Variants in EFNA5 observed in about 807,000 individuals in gnomAD.
The protein encoded by EFNA5 is ephrin A5.
Under a neutral mutation model 22.9 loss-of-function variants are expected in EFNA5, and 5 were observed. The ratio of observed to expected loss-of-function variants is 0.22; its 90% CI spans 0.11 to 0.46. The LOEUF (loss-of-function observed/expected upper bound fraction) is 0.46, where lower values mean the gene tolerates loss of function less well. Among genes scored for constraint, EFNA5 ranks in the 20% least tolerant of loss-of-function variants. EFNA5 has a pLI of 0.99. For synonymous variants in EFNA5, 113 were observed against 112.2 expected (o/e 1.01, Z -0.04); for missense variants, 237 against 293.3 (o/e 0.81, Z 1.40).
chr5:107,662,918 A>G (rs935840920), intron 1 of EFNA5, among the ~76,000 whole-genome samples: 7 of 152,090 alleles, frequency 4.6e-5, no homozygotes, highest in African/African-American at 1.4e-4. Flanking sequence ...AGTTAGCCAT[A>G]AAGTATAAGC....
chr5:107,638,219 C>A (rs1466065714), intron 1 of EFNA5, among the ~76,000 whole-genome samples: 1 of 152,066 alleles, frequency 6.6e-6, no homozygotes, highest in African/African-American at 2.4e-5. Context: ...CCTAAGGGTT[C>A]CTGCTTTCCA....
At chr5:107,397,381 T>A (rs1316696034) in intron 2 of EFNA5, among the ~76,000 whole-genome samples, 1 of 151,978 alleles carries the variant, frequency 6.6e-6, no homozygotes, top group African/African-American at 2.4e-5. Flanking sequence ...AAATCCCACC[T>A]CTACTAAAAA....
At chr5:107,642,701 G>A (rs1277520702) in intron 1 of EFNA5, among the ~76,000 whole-genome samples, 1 of 152,118 alleles carries the variant, frequency 6.6e-6, no homozygotes, top group Non-Finnish European at 1.5e-5. Context: ...GAGGAGAGAA[G>A]AAAAAGTAAA....
chr5:107,553,398 A>G (rs1748341069), intron 1 of EFNA5, among the ~76,000 whole-genome samples: 1 of 152,186 alleles, frequency 6.6e-6, no homozygotes, highest in Non-Finnish European at 1.5e-5. Flanking sequence ...CCGCCCCACC[A>G]TCCACTGCTT....
At chr5:107,537,103 C>T (rs1351882338) in intron 1 of EFNA5, among the ~76,000 whole-genome samples, 1 of 127,256 alleles carries the variant, frequency 7.9e-6, no homozygotes, top group Non-Finnish European at 1.6e-5. Flanking sequence ...GACTCCGCCT[C>T]AAAGAAAAAA....
At chr5:107,412,468 TA>T (rs2112403676) in intron 2 of EFNA5, among the ~76,000 whole-genome samples, 1 of 152,322 alleles carries the variant, frequency 6.6e-6, no homozygotes, top group South Asian at 2.1e-4. Context: ...TGATTAATAT[TA>T]ATTCTGATTC....
intron 1 of EFNA5, among the ~76,000 whole-genome samples, chr5:107,610,863 A>T (rs554771704): frequency 2.6e-5 from 4 of 152,262 alleles, no homozygotes; most frequent in African/African-American, 9.6e-5. Flanking sequence ...TAGAAGACTG[A>T]AAAGGTCATA....
At chr5:107,470,221 T>C (rs1346768355) in intron 1 of EFNA5, among the ~76,000 whole-genome samples, 3 of 152,158 alleles carry the variant, frequency 2.0e-5, no homozygotes, top group East Asian at 1.9e-4. Context: ...TCCCAAAAAA[T>C]GGCAACAGTG....
chr5:107,472,045 T>C (rs539347779), intron 1 of EFNA5, among the ~76,000 whole-genome samples: 5 of 152,318 alleles, frequency 3.3e-5, no homozygotes, highest in South Asian at 4.1e-4. Context: ...TGAAAAGCTA[T>C]AGATATTCAC....
At chr5:107,432,368 T>G (rs1748985925) in intron 1 of EFNA5, among the ~76,000 whole-genome samples, 1 of 152,244 alleles carries the variant, frequency 6.6e-6, no homozygotes, top group Non-Finnish European at 1.5e-5. Flanking sequence ...ACAAATGCCA[T>G]GGGTAACACA....
intron 1 of EFNA5, among the ~76,000 whole-genome samples, chr5:107,483,288 C>A (rs1750536991): frequency 6.6e-6 from 1 of 152,132 alleles, no homozygotes; most frequent in South Asian, 2.1e-4. Context: ...ACCAGATCCA[C>A]CCAGGCCCTA....
chr5:107,605,800 A>T (rs906468352), intron 1 of EFNA5, among the ~76,000 whole-genome samples: 1 of 152,184 alleles, frequency 6.6e-6, no homozygotes, highest in Non-Finnish European at 1.5e-5. Context: ...CTTCCCTTCA[A>T]TATTGTCCTC....
intron 1 of EFNA5, among the ~76,000 whole-genome samples, chr5:107,582,370 T>C (rs909314239): frequency 6.6e-6 from 1 of 152,218 alleles, no homozygotes; most frequent in Non-Finnish European, 1.5e-5. Flanking sequence ...GCTGAGATGA[T>C]GCTTTGTTCA....
intron 1 of EFNA5, among the ~76,000 whole-genome samples, chr5:107,527,212 T>A (rs1747712415): frequency 6.6e-6 from 1 of 152,174 alleles, no homozygotes; most frequent in South Asian, 2.1e-4. Flanking sequence ...GGGTATAATA[T>A]AATCATATAA....
rs1748379717 is a variant in EFNA5, at chr5:107,411,980, C to A, written c.418+15237G>T. ...ACTTTGCAAATGGATGGGGTATTAT[C>A]AAATGTTCATAATTATTACAGGGAT... On this transcript the variant is annotated intron_variant, in intron 2 of 4. Coordinates refer to ENST00000333274, the MANE Select transcript of EFNA5 (RefSeq NM_001962.3). Among the ~76,000 whole-genome samples the A allele has an allele frequency of 2.0e-5, 3 of 152,050 alleles. No homozygotes were observed. The South Asian group carries it at 6.2e-4, about 32-fold the overall frequency.
At chr5:107,557,099 A>C (rs1278999017) in intron 1 of EFNA5, among the ~76,000 whole-genome samples, 2 of 152,080 alleles carry the variant, frequency 1.3e-5, no homozygotes, top group Non-Finnish European at 2.9e-5. Flanking sequence ...AAAACCACCT[A>C]CATCTCCCTC....
intron 1 of EFNA5, among the ~76,000 whole-genome samples, chr5:107,513,261 G>GGAGAGA (rs145077941): frequency 2.0e-4 from 30 of 150,880 alleles, no homozygotes; most frequent in African/African-American, 6.6e-4. Flanking sequence ...AGAGGGAGAG[G>GGAGAGA]GAGAGAGAGA....
At chr5:107,598,078 G>GAAA (rs1231375067) in intron 1 of EFNA5, among the ~76,000 whole-genome samples, 3 of 152,074 alleles carry the variant, frequency 2.0e-5, no homozygotes, top group Non-Finnish European at 4.4e-5. Context: ...AAAGATAATA[G>GAAA]AAAATCATAA....
chr5:107,667,796 C>T (rs1285869727), intron 1 of EFNA5, among the ~76,000 whole-genome samples: 2 of 152,220 alleles, frequency 1.3e-5, no homozygotes, highest in East Asian at 3.9e-4. Flanking sequence ...AGACACAAAG[C>T]ATGGCTAGCT....
Sources: gnomAD v4.1 joint callset for allele counts (sites outside exome capture counted in the v4.1 genomes callset) on GRCh38, gnomAD v4.1.1 for gene constraint, MANE v1.5 for transcripts, NCBI Gene and HGNC (gene_info 2026-07-23, HGNC 2026-07-21) for gene names.